Variants in CDH12 observed in about 807,000 individuals in gnomAD.
CDH12 encodes cadherin-12.
Under a neutral mutation model 74.1 loss-of-function variants are expected in CDH12, and 41 were observed. The ratio of observed to expected loss-of-function variants is 0.55; its 90% CI spans 0.43 to 0.72. The LOEUF is 0.72. Among genes scored for constraint, CDH12 ranks in the 30% least tolerant of loss-of-function variants. CDH12 has a pLI of 0.00. For synonymous variants in CDH12, 399 were observed against 355.0 expected, an observed-to-expected ratio of 1.12 and a Z score of -1.39; for missense variants, 945 against 977.2, an observed-to-expected ratio of 0.97 and a Z score of 0.44.
At chr5:22,369,078 G>A (rs1741158145) in intron 3 of CDH12, among the ~76,000 whole-genome samples, 1 of 151,970 alleles carries the variant, frequency 6.6e-6, no homozygotes, top group Non-Finnish European at 1.5e-5. Context: ...GCAATGAGCT[G>A]AGAATGCACC....
At chr5:21,883,685 T>A (rs1273325825) in intron 6 of CDH12, 2 of 1,611,794 alleles carry the variant, frequency 1.2e-6, no homozygotes, top group Non-Finnish European at 1.7e-6. Context: ...GTGACAAGGC[T>A]CAACTTGAAA....
At chr5:22,081,077 C>G (rs751416642) in intron 4 of CDH12, among the ~76,000 whole-genome samples, 4 of 152,104 alleles carry the variant, frequency 2.6e-5, no homozygotes, top group Non-Finnish European at 5.9e-5. Context: ...CCTCGCTTGG[C>G]CTCTTTCCAA....
At chr5:22,314,085 G>A (rs1738506189) in intron 3 of CDH12, among the ~76,000 whole-genome samples, 1 of 152,160 alleles carries the variant, frequency 6.6e-6, no homozygotes, top group African/African-American at 2.4e-5. Flanking sequence ...GATGACGGTG[G>A]CTTTTCCAGG....
chr5:22,780,584 C>G (rs961656320), intron 1 of CDH12, among the ~76,000 whole-genome samples: 1 of 152,050 alleles, frequency 6.6e-6, no homozygotes, highest in South Asian at 2.1e-4. Context: ...AACTCATTCA[C>G]TATCGCAAGA....
intron 6 of CDH12, among the ~76,000 whole-genome samples, chr5:21,909,142 T>C (rs1753760840): frequency 6.6e-6 from 1 of 152,302 alleles, no homozygotes; most frequent in South Asian, 2.1e-4. Flanking sequence ...CCCAAGCTTC[T>C]AGAGAAGCCT....
intron 1 of CDH12, among the ~76,000 whole-genome samples, chr5:22,608,955 T>C (rs568911637): frequency 5.3e-5 from 8 of 152,238 alleles, no homozygotes; most frequent in Non-Finnish European, 2.9e-5. Context: ...GACAGACTAA[T>C]ACACATACCA....
intron 4 of CDH12, among the ~76,000 whole-genome samples, chr5:22,182,973 A>G: frequency 6.6e-6 from 1 of 151,776 alleles, no homozygotes; most frequent in East Asian, 1.9e-4. Flanking sequence ...GTTTAGAAGA[A>G]TAATAGAGAT....
chr5:22,595,805 C>T (rs1254371589), intron 1 of CDH12, among the ~76,000 whole-genome samples: 3 of 151,892 alleles, frequency 2.0e-5, no homozygotes, highest in Non-Finnish European at 4.4e-5. Context: ...GGCCGGGCAC[C>T]GTGGCTCACA....
At chr5:22,459,794 G>A (rs755648330) in intron 2 of CDH12, among the ~76,000 whole-genome samples, 40 of 151,892 alleles carry the variant, frequency 2.6e-4, no homozygotes, top group Non-Finnish European at 4.7e-4. Flanking sequence ...GTGAAACCCC[G>A]TCTCTATTAA....
At chr5:22,824,861 T>C (rs1299319443) in intron 1 of CDH12, among the ~76,000 whole-genome samples, 1 of 151,750 alleles carries the variant, frequency 6.6e-6, no homozygotes, top group African/African-American at 2.4e-5. Flanking sequence ...AATTAATATA[T>C]ATGTGTGTCC....
At chr5:22,794,383 C>G (rs1051523075) in intron 1 of CDH12, among the ~76,000 whole-genome samples, 2 of 152,108 alleles carry the variant, frequency 1.3e-5, no homozygotes, top group Non-Finnish European at 2.9e-5. Flanking sequence ...AACAAAATAG[C>G]CAATATAATT....
chr5:21,903,448 C>A (rs1294822086), intron 6 of CDH12, among the ~76,000 whole-genome samples: 1 of 152,178 alleles, frequency 6.6e-6, no homozygotes. Flanking sequence ...GTCTTCAACT[C>A]CCTTCCTGCC....
rs1182468566 is a variant in CDH12 at position 22,350,241 on chromosome 5, C to G, written c.-333+55016G>C. ...AAATCACAGGAGTTACAATAGAAGACTTAAACTTATTATGCAGTGAAAATA... is the reference window on the plus strand; with the variant it reads ...AAATCACAGGAGTTACAATAGAAGAGTTAAACTTATTATGCAGTGAAAATA... On this transcript the variant is annotated intron_variant, in intron 3 of 14. Transcript: ENST00000382254. 3.6e-4 allele frequency among the ~76,000 whole-genome samples: 54 copies of G among 152,064 alleles called. 1 individual carries two copies. The highest frequency in any genetic ancestry group is 8.8e-5 in the Non-Finnish European group (6 of 68,018).
At chr5:22,673,128 C>T (rs955666562) in intron 1 of CDH12, among the ~76,000 whole-genome samples, 1 of 152,166 alleles carries the variant, frequency 6.6e-6, no homozygotes, top group South Asian at 2.1e-4. Context: ...TTTCTGAAGT[C>T]ATAAGTGTAT....
intron 10 of CDH12, among the ~76,000 whole-genome samples, chr5:21,784,879 C>T (rs1338541619): frequency 2.0e-5 from 3 of 152,282 alleles, no homozygotes; most frequent in East Asian, 1.9e-4. Flanking sequence ...TATCATTCCA[C>T]ACTAGTCTGT....
chr5:22,684,606 G>A (rs964275468), intron 1 of CDH12, among the ~76,000 whole-genome samples: 2 of 152,190 alleles, frequency 1.3e-5, no homozygotes, highest in African/African-American at 2.4e-5. Context: ...GTTTTCAAAC[G>A]CGTAGGAGAA....
intron 1 of CDH12, among the ~76,000 whole-genome samples, chr5:22,744,898 T>C (rs1020225385): frequency 2.0e-5 from 3 of 152,062 alleles, no homozygotes; most frequent in African/African-American, 7.2e-5. Context: ...TAAATGGGAA[T>C]AATAATAGTA....
chr5:22,814,389 A>C (rs774857610), intron 1 of CDH12, among the ~76,000 whole-genome samples: 13 of 152,198 alleles, frequency 8.5e-5, no homozygotes, highest in Non-Finnish European at 1.5e-4. Flanking sequence ...TGTGCTTGCT[A>C]TTTCAATCAT....
intron 1 of CDH12, among the ~76,000 whole-genome samples, chr5:22,644,141 T>C (rs746008573): frequency 1.3e-5 from 2 of 152,058 alleles, no homozygotes; most frequent in Non-Finnish European, 2.9e-5. Context: ...TTAAATGGCC[T>C]TTACATGTTC....
Sources: allele counts gnomAD v4.1 joint callset (sites outside exome capture counted in the v4.1 genomes callset), GRCh38; gene constraint gnomAD v4.1.1; transcripts MANE v1.5; gene names NCBI Gene and HGNC (gene_info 2026-07-23, HGNC 2026-07-21).